NLGN1: variants seen among roughly 807,000 people sequenced by gnomAD.
NLGN1 encodes neuroligin 1, also known as neuroligin-1.
A neutral mutation model predicts 65.5 loss-of-function variants in NLGN1; 12 were observed. That is an observed-to-expected ratio of 0.18 (90% CI 0.12 to 0.30). The LOEUF is 0.30. Among genes scored for constraint, NLGN1 ranks in the 10% least tolerant of loss-of-function variants. NLGN1 has a pLI of 1.00. For missense variants in NLGN1, 750 were observed against 1,007.1 expected, an observed-to-expected ratio of 0.74 and a Z score of 3.46; for synonymous variants, 350 against 359.5, an observed-to-expected ratio of 0.97 and a Z score of 0.30.
chr3:173,963,871 G>A (rs185652317), intron 4 of NLGN1, among the ~76,000 whole-genome samples: 52 of 152,284 alleles, frequency 3.4e-4, no homozygotes, highest in African/African-American at 6.5e-4. Flanking sequence ...GGAGTAAATG[G>A]TAGGTGGGTA....
chr3:174,126,953 TG>T (rs2152661125), intron 4 of NLGN1, among the ~76,000 whole-genome samples: 1 of 152,286 alleles, frequency 6.6e-6, no homozygotes, highest in African/African-American at 2.4e-5. Flanking sequence ...TCTTAACTAT[TG>T]CTCTAAACTC....
chr3:173,797,674 A>G (rs1490148687), intron 3 of NLGN1, among the ~76,000 whole-genome samples: 2 of 136,988 alleles, frequency 1.5e-5, no homozygotes, highest in African/African-American at 5.5e-5. Flanking sequence ...GCAAAAAACA[A>G]AAAATAAAAC....
chr3:174,036,943 T>A (rs770672931), intron 4 of NLGN1, among the ~76,000 whole-genome samples: 13 of 152,212 alleles, frequency 8.5e-5, no homozygotes, highest in Non-Finnish European at 1.8e-4. Context: ...CATCCTTTTT[T>A]ATGTCTGCAT....
intron 3 of NLGN1, among the ~76,000 whole-genome samples, chr3:173,764,928 T>C (rs895450462): frequency 2.0e-5 from 3 of 152,144 alleles, no homozygotes; most frequent in African/African-American, 7.2e-5. Context: ...CTGATATTTC[T>C]TGTTGGATAA....
chr3:173,740,329 A>G (rs993275147), intron 3 of NLGN1, among the ~76,000 whole-genome samples: 2 of 152,092 alleles, frequency 1.3e-5, no homozygotes, highest in Non-Finnish European at 2.9e-5. Context: ...ATAATAGAAA[A>G]ATTATGAATT....
intron 4 of NLGN1, among the ~76,000 whole-genome samples, chr3:173,933,258 A>T (rs1410663230): frequency 6.6e-6 from 1 of 152,146 alleles, no homozygotes; most frequent in Admixed American, 6.6e-5. Flanking sequence ...AGGAGAGAGG[A>T]GGTAGAAAAG....
intron 4 of NLGN1, among the ~76,000 whole-genome samples, chr3:174,007,145 T>C (rs752276112): frequency 5.3e-5 from 8 of 152,038 alleles, no homozygotes; most frequent in Non-Finnish European, 1.2e-4. Flanking sequence ...GGAAAGACCA[T>C]GCGGAGCACA....
chr3:173,538,081 G>T (rs764290047), intron 2 of NLGN1, among the ~76,000 whole-genome samples: 3 of 152,186 alleles, frequency 2.0e-5, no homozygotes, highest in Non-Finnish European at 4.4e-5. Context: ...TGTGGAAATA[G>T]GAAGCAAAAA....
At chr3:173,862,443 T>G (rs1729307390) in intron 4 of NLGN1, among the ~76,000 whole-genome samples, 1 of 140,540 alleles carries the variant, frequency 7.1e-6, no homozygotes, top group Non-Finnish European at 1.5e-5. Flanking sequence ...GAGACGGAGC[T>G]TGCAGTGAGC....
intron 3 of NLGN1, among the ~76,000 whole-genome samples, chr3:173,630,816 G>A (rs903060719): frequency 6.6e-6 from 1 of 152,030 alleles, no homozygotes; most frequent in Non-Finnish European, 1.5e-5. Flanking sequence ...TAAACTTCTT[G>A]ATTTGGTACC....
chr3:173,823,335 G>A (rs771206481), intron 4 of NLGN1, among the ~76,000 whole-genome samples: 4 of 151,864 alleles, frequency 2.6e-5, no homozygotes, highest in Non-Finnish European at 5.9e-5. Context: ...AGAAAAGTAA[G>A]AAAAAATAGA....
At chr3:173,633,631 A>G (rs1469266573) in intron 3 of NLGN1, among the ~76,000 whole-genome samples, 1 of 152,180 alleles carries the variant, frequency 6.6e-6, no homozygotes, top group Non-Finnish European at 1.5e-5. Context: ...TGACAGCTTC[A>G]GTGACAGGCA....
intron 4 of NLGN1, among the ~76,000 whole-genome samples, chr3:173,896,030 C>G (rs1736299954): frequency 6.6e-6 from 1 of 152,096 alleles, no homozygotes; most frequent in Non-Finnish European, 1.5e-5. Context: ...TTCCTATCAA[C>G]TTGAGTCTCT....
At chr3:174,175,113 T>A (rs9867371) in intron 4 of NLGN1, among the ~76,000 whole-genome samples, 19,851 of 151,910 alleles carry the variant, frequency 0.13, 2,501 homozygotes, top group African/African-American at 0.33. Flanking sequence ...GAGAAGAATG[T>A]ATACTCTGCA....
chr3:173,922,828 G>A (rs1051272861), intron 4 of NLGN1, among the ~76,000 whole-genome samples: 2 of 152,042 alleles, frequency 1.3e-5, no homozygotes, highest in Admixed American at 1.3e-4. Context: ...TGACATAGCA[G>A]GTAGACTGCT....
Position 173,987,632 on chromosome 3 carries a change from A to G in NLGN1, c.646+179800A>G, listed in dbSNP as rs985359750. ...ATAGAATAATAATATCATCATCCAC[A>G]ACACCACAATTATCACCATTAACTT... On this transcript the variant is annotated intron_variant, in intron 4 of 6. Coordinates refer to ENST00000457714, the Ensembl canonical transcript of NLGN1. Among the ~76,000 whole-genome samples the G allele has an allele frequency of 5.3e-5, 8 of 152,302 alleles. No homozygotes were observed. The South Asian group carries it at 8.3e-4, about 16-fold the overall frequency.
At chr3:174,124,605 A>G (rs1198755393) in intron 4 of NLGN1, among the ~76,000 whole-genome samples, 1 of 146,356 alleles carries the variant, frequency 6.8e-6, no homozygotes, top group Admixed American at 6.9e-5. Flanking sequence ...GTATACATAT[A>G]TACGTATATA....
intron 4 of NLGN1, among the ~76,000 whole-genome samples, chr3:174,237,435 A>T (rs1741924242): frequency 6.6e-6 from 1 of 152,244 alleles, no homozygotes; most frequent in African/African-American, 2.4e-5. Context: ...CTTTTGATTC[A>T]TCATTCAGTC....
intron 2 of NLGN1, among the ~76,000 whole-genome samples, chr3:173,582,070 A>G (rs531565563): frequency 8.6e-5 from 13 of 152,006 alleles, no homozygotes; most frequent in Non-Finnish European, 1.6e-4. Flanking sequence ...TAATTATTTT[A>G]CCTGTTTTTG....
Sources: allele counts gnomAD v4.1 joint callset (sites outside exome capture counted in the v4.1 genomes callset), GRCh38; gene constraint gnomAD v4.1.1; transcripts MANE v1.5; gene names NCBI Gene and HGNC (gene_info 2026-07-23, HGNC 2026-07-21).